The following ACER3 variants were observed in gnomAD, a reference collection of about 807,000 sequenced individuals.
ACER3 encodes the protein alkCDase 3.
A neutral mutation model predicts 48.9 loss-of-function variants in ACER3; 16 were observed. That is an observed-to-expected ratio of 0.33 (90% CI 0.22 to 0.50). The LOEUF (loss-of-function observed/expected upper bound fraction) is 0.50. Among genes scored for constraint, ACER3 ranks in the 20% least tolerant of loss-of-function variants. ACER3 has a pLI of 0.98. For synonymous variants in ACER3, 109 were observed against 107.8 expected (o/e 1.01, Z -0.07); for missense variants, 227 against 326.0 (o/e 0.70, Z 2.34).
intron 1 of ACER3, among the ~76,000 whole-genome samples, chr11:76,912,937 G>A (rs1946421979): frequency 1.3e-5 from 2 of 152,080 alleles, no homozygotes; most frequent in South Asian, 4.1e-4. Flanking sequence ...AAAAGAGACT[G>A]AGGCAATTTT....
chr11:76,958,262 C>T (rs1947895193), intron 2 of ACER3, among the ~76,000 whole-genome samples: 1 of 149,984 alleles, frequency 6.7e-6, no homozygotes. Context: ...TCTCAGCTCA[C>T]TGCAACCTCC....
intron 1 of ACER3, chr11:76,868,130 A>ACCAT: frequency 7.8e-7 from 1 of 1,289,580 alleles, no homozygotes; most frequent in South Asian, 1.2e-5. Flanking sequence ...GTTCCTTCCT[A>ACCAT]CCATCCTCCC....
intron 1 of ACER3, among the ~76,000 whole-genome samples, chr11:76,917,377 A>T (rs1203459736): frequency 6.6e-6 from 1 of 152,168 alleles, no homozygotes; most frequent in Non-Finnish European, 1.5e-5. Context: ...AATTTTCATA[A>T]ATTAAATATT....
At chr11:77,000,616 G>A (rs1447228097) in intron 7 of ACER3, among the ~76,000 whole-genome samples, 2 of 152,174 alleles carry the variant, frequency 1.3e-5, no homozygotes, top group African/African-American at 4.8e-5. Context: ...GTGAGGTTCT[G>A]TTTTTTCCAT....
At chr11:76,898,630 C>A (rs1346619187) in intron 1 of ACER3, among the ~76,000 whole-genome samples, 2 of 152,122 alleles carry the variant, frequency 1.3e-5, no homozygotes, top group African/African-American at 4.8e-5. Flanking sequence ...GGTGGCCGGG[C>A]GCGGTGGCTC....
Position 76,985,525 on chromosome 11 carries a change from G to A in ACER3, c.321-118G>A, listed in dbSNP as rs1591032212. ...GCAGTGCAGGTTTTCTCTATGAGTG[G>A]AAAGAAATGATGGATATCACTTATC... On this transcript the variant is annotated intron_variant, in intron 4 of 10. Transcript: ENST00000532485. 45 of 630,674 alleles carry A rather than the reference G, an allele frequency of 7.1e-5. No homozygotes were observed. The East Asian group carries it at 1.5e-3, about 21-fold the overall frequency. 39.1% of individuals were successfully genotyped at this position (630,674 alleles called of 1,614,324 possible). A position where few individuals can be genotyped will look rare whatever the true frequency, so the allele number is the denominator to read the frequency against.
intron 1 of ACER3, among the ~76,000 whole-genome samples, chr11:76,870,016 C>T (rs1430865536): frequency 2.6e-5 from 4 of 151,890 alleles, no homozygotes; most frequent in African/African-American, 9.7e-5. Flanking sequence ...TGCGGGACAC[C>T]ACACCTGGCT....
In ACER3 at chr11:76,970,678, T is replaced by G. The variant is rs998043840; in HGVS notation, c.268-5611T>G. On this transcript the variant is annotated intron_variant, in intron 3 of 10. Transcript: ENST00000532485. The stretch of plus-strand genomic sequence containing the variant: ...GTAGTATTGTGGATATGTAGGTGAG[T>G]TTTTTTTTAAAGTATAACTTACTTA... Among the ~76,000 whole-genome samples, 6 of 151,476 alleles carry G rather than the reference T, an allele frequency of 4.0e-5. No individual in the cohort carries two copies. In the East Asian group the frequency reaches 7.7e-4, roughly 19 times the overall value.
At chr11:76,984,490 C>T (rs1948647052) in intron 4 of ACER3, among the ~76,000 whole-genome samples, 1 of 152,138 alleles carries the variant, frequency 6.6e-6, no homozygotes, top group Non-Finnish European at 1.5e-5. Context: ...GTCCAATTCC[C>T]ACAGCCAGTT....
chr11:76,917,256 C>A lies in ACER3; in HGVS notation c.104-9301C>A, dbSNP rs1480508337. ...AGCCATCTGCACAATTTCCCCCTTACCCAGGAAATGTTTCTGGGCAATATT... is the reference window on the plus strand; with the variant it reads ...AGCCATCTGCACAATTTCCCCCTTAACCAGGAAATGTTTCTGGGCAATATT... On this transcript the variant is annotated intron_variant, in intron 1 of 10. Transcript: ENST00000532485. Among the ~76,000 whole-genome samples the A allele has an allele frequency of 5.3e-5, 8 of 152,016 alleles. No homozygotes were observed. The East Asian group carries it at 1.2e-3, about 22-fold the overall frequency.
chr11:77,015,301 T>G (rs1471556020), intron 8 of ACER3, 184 bp downstream of exon 8: 2 of 480,358 alleles, frequency 4.2e-6, no homozygotes, highest in Admixed American at 7.7e-5. Flanking sequence ...CCTAAAATTT[T>G]GGACCTGAGA....
intron 1 of ACER3, among the ~76,000 whole-genome samples, chr11:76,914,456 A>G (rs1946469461): frequency 1.3e-5 from 2 of 152,252 alleles, no homozygotes. Flanking sequence ...GCTCACCATC[A>G]CTGGCCATCA....
intron 1 of ACER3, among the ~76,000 whole-genome samples, chr11:76,891,238 TATATATATAA>T (rs911542341): frequency 2.4e-4 from 8 of 32,986 alleles, no homozygotes; most frequent in Non-Finnish European, 1.8e-3. Flanking sequence ...TGTGATATTT[TATATATATAA>T]TATATATATA....
intron 2 of ACER3, among the ~76,000 whole-genome samples, chr11:76,941,696 A>G (rs1590965533): frequency 6.6e-6 from 1 of 151,904 alleles, no homozygotes; most frequent in Admixed American, 6.6e-5. Context: ...GTGGAAAATG[A>G]TGATATTTTG....
chr11:76,863,712 G>C (rs1945000081), intron 1 of ACER3, among the ~76,000 whole-genome samples: 1 of 152,162 alleles, frequency 6.6e-6, no homozygotes, highest in South Asian at 2.1e-4. Context: ...GTGGTCACTT[G>C]TACTACACTT....
At chr11:76,886,008 A>G (rs1032556230) in intron 1 of ACER3, among the ~76,000 whole-genome samples, 12 of 152,226 alleles carry the variant, frequency 7.9e-5, no homozygotes, top group Non-Finnish European at 1.5e-4. Context: ...AGAAGATGAC[A>G]AATAAACAAT....
intron 5 of ACER3, among the ~76,000 whole-genome samples, chr11:76,989,200 T>C (rs1423601104): frequency 6.6e-6 from 1 of 151,524 alleles, no homozygotes; most frequent in Non-Finnish European, 1.5e-5. Flanking sequence ...ATATACAATA[T>C]CTCATACACA....
At chr11:77,002,572 C>CT (rs1215284411) in intron 7 of ACER3, among the ~76,000 whole-genome samples, 1 of 151,906 alleles carries the variant, frequency 6.6e-6, no homozygotes, top group Middle Eastern at 3.2e-3. Flanking sequence ...TTTGTCCTGT[C>CT]TTTTTCTGGT....
At chr11:76,973,102 G>A (rs1012489704) in intron 3 of ACER3, among the ~76,000 whole-genome samples, 3 of 152,222 alleles carry the variant, frequency 2.0e-5, no homozygotes, top group African/African-American at 7.2e-5. Flanking sequence ...CCAGGCCCAT[G>A]GAGCAGAGCA....
Sources: allele counts gnomAD v4.1 joint callset (sites outside exome capture counted in the v4.1 genomes callset), GRCh38; gene constraint gnomAD v4.1.1; transcripts MANE v1.5; gene names NCBI Gene and HGNC (gene_info 2026-07-23, HGNC 2026-07-21).